Variants in PELP1 observed in about 807,000 individuals in gnomAD.
PELP1 encodes the protein proline, glutamate and leucine rich protein 1.
In PELP1, 32 loss-of-function variants were observed where a neutral mutation model predicts 95.5. That is an observed-to-expected ratio of 0.34 (90% CI 0.25 to 0.45). The LOEUF is 0.45. PELP1 is among the 20% of genes least tolerant of loss of function. The pLI is 1.00. For missense variants in PELP1, 1,358 were observed against 1,444.8 expected (o/e 0.94, Z 0.97); for synonymous variants, 668 against 600.1 (o/e 1.11, Z -1.65).
chr17:4,672,810 A>C lies in PELP1; in HGVS notation c.2181T>G (p.Pro727=), dbSNP rs1912282502. ...VSVPPRLLPG[P]ENHRAGSNED... is the part of the protein sequence containing the mutation. ...CATTTGAGCCTGCCCGGTGGTTCTC[A>C]GGGCCAGGAAGAAGCCGGGGAGGGA... Residue 727 remains proline, a synonymous_variant, in exon 16 of 17, where the codon CCT becomes CCG. Transcript: ENST00000572293. 6.2e-7 allele frequency: 1 copy of C among 1,613,810 alleles called. No individual in the cohort carries two copies. Among genetic ancestry groups the C allele is most frequent in the Non-Finnish European group, 8.5e-7 (1 of 1,179,778 alleles).
chr17:4,670,193 G>C lies in PELP1; in HGVS notation c.*1246C>G, dbSNP rs956043944. On this transcript the variant is annotated 3_prime_UTR_variant, in exon 17 of 17. Transcript: ENST00000572293. ...ATCCTACTGAAGTTTCCAAAAATTA[G>C]CTCAAATGCCACCTCCTCAAAGGGC... The C allele has an allele frequency of 1.3e-5, 2 of 152,188 alleles. No individual in the cohort carries two copies. The highest frequency in any genetic ancestry group is 6.5e-5 in the Admixed American group (1 of 15,280). The allele number at this position is 152,188 out of a possible 1,614,324, so 9.4% of individuals were successfully genotyped here. A position where few individuals can be genotyped will look rare whatever the true frequency, so the allele number is the denominator to read the frequency against.
intron 1 of PELP1, among the ~76,000 whole-genome samples, chr17:4,694,340 G>A (rs1401714561): frequency 3.3e-5 from 5 of 151,692 alleles, no homozygotes; most frequent in Admixed American, 2.0e-4. Context: ...CTAAATCCAC[G>A]GAATTGTATA....
intron 5 of PELP1, among the ~76,000 whole-genome samples, chr17:4,677,994 T>G (rs1292552050): frequency 6.6e-6 from 1 of 150,810 alleles, no homozygotes; most frequent in Non-Finnish European, 1.5e-5. Context: ...GGTGAGCAGA[T>G]CACGAGGTCA....
intron 3 of PELP1, among the ~76,000 whole-genome samples, chr17:4,690,454 C>G (rs4790680): frequency 0.98 from 148,863 of 152,250 alleles, 72,859 homozygotes; most frequent in Middle Eastern, 1. Flanking sequence ...GGGCACAGTG[C>G]CTCACACCTG....
In PELP1 at chr17:4,691,459, A is replaced by C; in HGVS notation, c.250-17T>G. The C allele has an allele frequency of 6.2e-7, 1 of 1,600,314 alleles. No homozygotes were observed. ...TGAAAGGTTCTGGAGGAAAGAAAAC[A>C]GGGAAGCGAGTCACAAACGGGATGT... On this transcript the variant is annotated splice_polypyrimidine_tract_variant and intron_variant, in intron 1 of 16. Coordinates refer to ENST00000572293, the MANE Select transcript of PELP1 (RefSeq NM_014389.3).
chr17:4,682,449 G>T (rs1912723555), intron 5 of PELP1, 53 bp downstream of exon 5: 1 of 1,169,922 alleles, frequency 8.5e-7, no homozygotes, highest in East Asian at 2.3e-5. Flanking sequence ...GGAATCTGAG[G>T]TAAGAGCTCT....
intron 5 of PELP1, among the ~76,000 whole-genome samples, 157 bp from the exon 6 acceptor site, chr17:4,676,969 G>A (rs912260305): frequency 5.3e-5 from 8 of 152,140 alleles, no homozygotes; most frequent in African/African-American, 7.2e-5. Flanking sequence ...CACCGGGCAC[G>A]GACATGCTTT....
At chr17:4,682,099 A>AGCCACAAGCC (rs1912712556) in intron 5 of PELP1, among the ~76,000 whole-genome samples, 1 of 151,774 alleles carries the variant, frequency 6.6e-6, no homozygotes, top group Non-Finnish European at 1.5e-5. Context: ...GGTCAAGGCT[A>AGCCACAAGCC]CAGTGAGCCA....
Position 4,674,563 on chromosome 17 carries a change from T to G in PELP1, c.1529A>C (p.His510Pro). ...DVGEAMAPPS[H>P]RKGDSNANSD... ...GTTGGCATTGCTATCCCCTTTCCGG[T>G]GGCTTGGCGGGGCCATAGCTTCCCC... The change falls in exon 13 of 17, where the codon CAC becomes CCC. Residue 510 changes from histidine (H) to proline (P), a missense_variant. His to Pro is a moderately conservative substitution (Grantham distance 77, BLOSUM62 -2). Coordinates refer to ENST00000572293, the MANE Select transcript of PELP1 (RefSeq NM_014389.3). The G allele has an allele frequency of 7.4e-6, 12 of 1,612,722 alleles. No individual in the cohort carries two copies. The highest frequency in any genetic ancestry group is 1.0e-5 in the Non-Finnish European group (12 of 1,179,462).
intron 1 of PELP1, among the ~76,000 whole-genome samples, chr17:4,703,584 C>T (rs1368235786): frequency 3.9e-5 from 6 of 152,102 alleles, no homozygotes; most frequent in Non-Finnish European, 7.3e-5. Context: ...TTAGATTATA[C>T]AACTAGTGAG....
rs898669635 is a variant in PELP1, at chr17:4,673,931, T to A, written c.1583-257A>T. On this transcript the variant is annotated intron_variant, in intron 13 of 16. Coordinates refer to ENST00000572293, the MANE Select transcript of PELP1 (RefSeq NM_014389.3). The surrounding 1 kb of genome is among the most constrained non-coding windows in gnomAD (Gnocchi z 5.7). Reference sequence around the variant, plus strand: ...CATTTATATATTTGGGAACAATCGGTTCTCCCCTTCCCATGGGATGGGGTG... The same window carrying A: ...CATTTATATATTTGGGAACAATCGGATCTCCCCTTCCCATGGGATGGGGTG... The A allele has an allele frequency of 4.3e-6, 2 of 467,544 alleles. No individual in the cohort carries two copies. Among genetic ancestry groups the A allele is most frequent in the African/African-American group, 3.9e-5 (2 of 51,190 alleles). The allele number at this position is 467,544 out of a possible 1,614,324, so 29.0% of individuals were successfully genotyped here. A position where few individuals can be genotyped will look rare whatever the true frequency, so the allele number is the denominator to read the frequency against.
chr17:4,689,025 G>C (rs917517619), intron 3 of PELP1, among the ~76,000 whole-genome samples: 9 of 152,190 alleles, frequency 5.9e-5, no homozygotes, highest in Non-Finnish European at 1.0e-4. Flanking sequence ...ACAGAAGGGA[G>C]AACCCAGATA....
intron 1 of PELP1, 37 bp downstream of exon 1, chr17:4,703,825 TC>T (rs1265261636): frequency 1.3e-6 from 2 of 1,564,646 alleles, no homozygotes; most frequent in Admixed American, 3.7e-5. Flanking sequence ...CGCGCCATCC[TC>T]CCCACAGGGC....
chr17:4,682,238 G>A (rs1912716414), intron 5 of PELP1, among the ~76,000 whole-genome samples: 1 of 152,170 alleles, frequency 6.6e-6, no homozygotes, highest in Non-Finnish European at 1.5e-5. Flanking sequence ...AAAGGAAGGA[G>A]CCCATGGTTC....
Position 4,676,476 on chromosome 17 carries a change from G to C in PELP1, c.734C>G (p.Ser245Cys). Residue 245 changes from serine (S) to cysteine (C), a missense_variant, in exon 7 of 17, where the codon TCT (serine) becomes TGT (cysteine). Ser to Cys is a moderately radical substitution (Grantham distance 112). This residue lies in a region of PELP1 where 538 missense variants were observed against 628.1 expected (regional missense o/e 0.86). Transcript: ENST00000572293. Reference sequence around the variant, plus strand: ...GCCTTGGGAAAAGCCAGCCCCTAAAGAGGGCAGCCGGGAATAACACTCACA... The same window carrying C: ...GCCTTGGGAAAAGCCAGCCCCTAAACAGGGCAGCCGGGAATAACACTCACA... ...LACECYSRLP[S>C]LGAGFSQGLK... The C allele has an allele frequency of 6.2e-7, 1 of 1,613,780 alleles. No individual in the cohort carries two copies. The highest frequency in any genetic ancestry group is 8.5e-7 in the Non-Finnish European group (1 of 1,179,864).
chr17:4,684,408 A>C (rs1343958411), intron 3 of PELP1, among the ~76,000 whole-genome samples: 1 of 152,332 alleles, frequency 6.6e-6, no homozygotes. Context: ...AGTAACTATA[A>C]AAACAGCAAT....
At position 4,675,945 on chromosome 17, in the gene PELP1, C is replaced by G. The variant is rs1485757003; in HGVS notation, c.981-61G>C. On this transcript the variant is annotated intron_variant, in intron 8 of 16. Coordinates refer to ENST00000572293, the MANE Select transcript of PELP1 (RefSeq NM_014389.3). This position sits in a 1 kb window ranked among gnomAD's most constrained non-coding sequence, Gnocchi z 4.3. ...GGCTCCCTGGCATAACTCCCACACC[C>G]ACCTTCATCTCCTTTCTCCTGATGA... 6.3e-7 allele frequency: 1 copy of G among 1,589,986 alleles called. No individual in the cohort carries two copies. Among genetic ancestry groups the G allele is most frequent in the South Asian group, 1.1e-5 (1 of 88,654 alleles).
rs1017396463 is a variant in PELP1, at chr17:4,673,326, G to A, written c.1769C>T (p.Pro590Leu). ...AAGAGGAGGTGGGCAGCGAGGAGAC[G>A]GGGCCAGCAGCAGCGCCAGCAGCAG... ...YCLLLALLLA[P>L]SPRCPPPLAC... The change falls in exon 15 of 17, where the codon CCG becomes CTG. Residue 590 changes from proline (P) to leucine (L), a missense_variant. Physicochemically the swap from Pro to Leu is moderately conservative, Grantham distance 98. This residue lies in a region of PELP1 where 538 missense variants were observed against 628.1 expected (regional missense o/e 0.86). Coordinates refer to ENST00000572293, the MANE Select transcript of PELP1 (RefSeq NM_014389.3). The surrounding 1 kb of genome is among the most constrained non-coding windows in gnomAD (Gnocchi z 5.7). 5 of 1,590,960 alleles carry A rather than the reference G, an allele frequency of 3.1e-6. No homozygotes were observed. The highest frequency in any genetic ancestry group is 2.3e-5 in the East Asian group (1 of 43,802).
Position 4,675,105 on chromosome 17 carries a change from G to C in PELP1, c.1248C>G (p.Leu416=), listed in dbSNP as rs916996340. ...TGTAAGGCCTCTCCTGGCCTGGAGA[G>C]AGGGAATCTCTACCGATGCTCCAGG... ...LNSWSIGRDS[L]SPGQERPYST... Residue 416 remains leucine, a synonymous_variant, in exon 11 of 17, where the codon CTC becomes CTG. Transcript: ENST00000572293. The surrounding 1 kb of genome is among the most constrained non-coding windows in gnomAD (Gnocchi z 4.3). 4 of 1,613,838 alleles carry C rather than the reference G, an allele frequency of 2.5e-6. No homozygotes were observed. The highest frequency in any genetic ancestry group is 3.4e-6 in the Non-Finnish European group (4 of 1,179,822).
Sources: gnomAD v4.1 joint callset for allele counts (sites outside exome capture counted in the v4.1 genomes callset) on GRCh38, gnomAD v4.1.1 for gene constraint, gnomAD v4.1.1 regional missense constraint, Gnocchi (gnomAD v3.1) non-coding constraint, MANE v1.5 for transcripts, NCBI Gene and HGNC (gene_info 2026-07-23, HGNC 2026-07-21) for gene names.